CSMD1: variants seen among roughly 807,000 people sequenced by gnomAD.
CSMD1 encodes CUB and sushi domain-containing protein 1.
CSMD1 carries 213 observed loss-of-function variants against 417.5 expected under a neutral mutation model. The ratio of observed to expected loss-of-function variants is 0.51; its 90% CI spans 0.46 to 0.57. The LOEUF (loss-of-function observed/expected upper bound fraction) is 0.57, where lower values mean the gene tolerates loss of function less well. Ranked by LOEUF, CSMD1 falls within the 20% of genes least tolerant of loss-of-function variation. CSMD1 has a pLI of 0.00. For synonymous variants in CSMD1, 2,862 were observed against 1,736.8 expected, an observed-to-expected ratio of 1.65 and a Z score of -16.11; for missense variants, 6,923 against 4,529.7, an observed-to-expected ratio of 1.53 and a Z score of -15.17.
intron 7 of CSMD1, among the ~76,000 whole-genome samples, chr8:3,625,557 C>T (rs1796451448): frequency 1.3e-5 from 2 of 152,082 alleles, no homozygotes; most frequent in South Asian, 4.1e-4. Flanking sequence ...CTGCCATGGT[C>T]TTAAATCAAG....
intron 12 of CSMD1, among the ~76,000 whole-genome samples, chr8:3,457,849 A>C (rs540921469): frequency 6.6e-6 from 1 of 152,368 alleles, no homozygotes; most frequent in East Asian, 1.9e-4. Context: ...AGTGGTAAAG[A>C]TGTGGGAGAA....
intron 5 of CSMD1, among the ~76,000 whole-genome samples, chr8:3,865,963 A>G (rs13278136): frequency 0.079 from 12,092 of 152,262 alleles, 543 homozygotes; most frequent in South Asian, 0.15. Context: ...TAATTAAAAT[A>G]ATGAAAAGTG....
intron 2 of CSMD1, among the ~76,000 whole-genome samples, chr8:4,487,133 A>C (rs771499753): frequency 6.6e-6 from 1 of 152,152 alleles, no homozygotes; most frequent in Non-Finnish European, 1.5e-5. Flanking sequence ...ATAAGGCACT[A>C]TTTCAAGCAA....
chr8:4,476,662 G>A (rs1043254109), intron 2 of CSMD1, among the ~76,000 whole-genome samples: 10 of 152,116 alleles, frequency 6.6e-5, no homozygotes, highest in Non-Finnish European at 1.0e-4. Flanking sequence ...ACCATCCCAA[G>A]GCTGTGGACT....
At chr8:3,300,420 C>T (rs949468573) in intron 25 of CSMD1, among the ~76,000 whole-genome samples, 1 of 151,864 alleles carries the variant, frequency 6.6e-6, no homozygotes, top group Non-Finnish European at 1.5e-5. Context: ...AACCATAAAC[C>T]ATGCCAAAGA....
chr8:3,947,439 T>A (rs889206014), intron 5 of CSMD1, among the ~76,000 whole-genome samples: 4 of 152,224 alleles, frequency 2.6e-5, no homozygotes, highest in Non-Finnish European at 4.4e-5. Context: ...ACAACATTTT[T>A]AAAAGGTTTT....
At chr8:4,353,765 C>T (rs540588707) in intron 3 of CSMD1, among the ~76,000 whole-genome samples, 10 of 152,212 alleles carry the variant, frequency 6.6e-5, no homozygotes, top group African/African-American at 1.9e-4. Context: ...TTGCCCTTCA[C>T]ACATTTGATT....
chr8:4,520,262 A>G (rs1306781034), intron 2 of CSMD1, among the ~76,000 whole-genome samples: 2 of 152,186 alleles, frequency 1.3e-5, no homozygotes, highest in African/African-American at 4.8e-5. Flanking sequence ...TCACATGGAC[A>G]TAGTTGCAAA....
chr8:3,522,386 T>C (rs1438806415), intron 10 of CSMD1, among the ~76,000 whole-genome samples: 2 of 152,192 alleles, frequency 1.3e-5, no homozygotes, highest in South Asian at 4.1e-4. Context: ...TATAAAAATA[T>C]ATATTGTTTC....
intron 2 of CSMD1, among the ~76,000 whole-genome samples, chr8:4,567,215 A>G (rs1798655278): frequency 6.6e-6 from 1 of 152,218 alleles, no homozygotes; most frequent in Non-Finnish European, 1.5e-5. Flanking sequence ...GAGCATGAAC[A>G]GTGGGGATTG....
At chr8:3,566,958 A>G (rs984624265) in intron 10 of CSMD1, among the ~76,000 whole-genome samples, 10 of 152,240 alleles carry the variant, frequency 6.6e-5, no homozygotes, top group Non-Finnish European at 1.5e-4. Flanking sequence ...TTGTTCTATC[A>G]TAAAGACACA....
chr8:4,292,075 C>T (rs1404902554), intron 3 of CSMD1, among the ~76,000 whole-genome samples: 3 of 152,088 alleles, frequency 2.0e-5, no homozygotes, highest in African/African-American at 7.2e-5. Flanking sequence ...TCAATGAAAA[C>T]ACCAAGGAGA....
intron 5 of CSMD1, among the ~76,000 whole-genome samples, chr8:3,930,378 A>G (rs762578148): frequency 6.6e-6 from 1 of 150,654 alleles, no homozygotes; most frequent in East Asian, 1.9e-4. Context: ...TTCTTAGCTC[A>G]CACAACTTAG....
At chr8:4,747,528 C>G (rs78793166) in intron 1 of CSMD1, among the ~76,000 whole-genome samples, 7,652 of 152,242 alleles carry the variant, frequency 0.05, 227 homozygotes, top group South Asian at 0.098. Flanking sequence ...AATCACTACA[C>G]TGATATTTGT....
At chr8:4,827,498 T>C (rs1799903183) in intron 1 of CSMD1, among the ~76,000 whole-genome samples, 1 of 152,158 alleles carries the variant, frequency 6.6e-6, no homozygotes, top group Admixed American at 6.5e-5. Context: ...GAACTGAATA[T>C]TTTTCAAAAT....
At chr8:4,214,741 C>G (rs2128804157) in intron 3 of CSMD1, among the ~76,000 whole-genome samples, 1 of 152,138 alleles carries the variant, frequency 6.6e-6, no homozygotes, top group Middle Eastern at 3.4e-3. Flanking sequence ...CTACATATTC[C>G]CATATTTGAC....
In CSMD1 at chr8:3,651,919, G is replaced by C. The variant is rs1282603376; in HGVS notation, c.1010-35122C>G. 2.0e-5 allele frequency among the ~76,000 whole-genome samples: 3 copies of C among 150,074 alleles called. No individual in the cohort carries two copies. In the South Asian group the frequency reaches 6.4e-4, roughly 32 times the overall value. On this transcript the variant is annotated intron_variant, in intron 7 of 69. Coordinates refer to ENST00000635120, the MANE Select transcript of CSMD1 (RefSeq NM_033225.6). ...ACCATCAGAGTGCTTACCATCATCA[G>C]AGCACCTACCACCATCAGTGGGCCT... is the stretch of plus-strand genomic sequence containing the variant.
At chr8:3,137,491 G>T (rs1037935031) in intron 41 of CSMD1, among the ~76,000 whole-genome samples, 2 of 152,216 alleles carry the variant, frequency 1.3e-5, no homozygotes, top group Non-Finnish European at 2.9e-5. Flanking sequence ...AGGTAAAACA[G>T]AAATGACCGT....
At chr8:3,907,098 C>G (rs544736396) in intron 5 of CSMD1, among the ~76,000 whole-genome samples, 2 of 152,174 alleles carry the variant, frequency 1.3e-5, no homozygotes, top group Non-Finnish European at 2.9e-5. Flanking sequence ...GACTCAAAAT[C>G]CCTTCTTCTT....
Sources: gnomAD v4.1 joint callset for allele counts (sites outside exome capture counted in the v4.1 genomes callset) on GRCh38, gnomAD v4.1.1 for gene constraint, MANE v1.5 for transcripts, NCBI Gene and HGNC (gene_info 2026-07-23, HGNC 2026-07-21) for gene names.